RAPGEF5: variants seen among roughly 807,000 people sequenced by gnomAD.
RAPGEF5 encodes the protein Rap guanine nucleotide exchange factor 5, also known as M-Ras-regulated GEF.
In RAPGEF5, 65 loss-of-function variants were observed where a neutral mutation model predicts 125.2. That is an observed-to-expected ratio of 0.52 (90% confidence interval 0.43 to 0.64). The LOEUF is 0.64. Ranked by LOEUF, RAPGEF5 falls within the 30% of genes least tolerant of loss-of-function variation. The pLI, the probability that RAPGEF5 is intolerant of heterozygous loss-of-function variation, is 0.00. For missense variants in RAPGEF5, 958 were observed against 1,048.1 expected, an observed-to-expected ratio of 0.91 and a Z score of 1.19; for synonymous variants, 391 against 385.9, an observed-to-expected ratio of 1.01 and a Z score of -0.16.
At chr7:22,245,932 A>G (rs971328961) in intron 7 of RAPGEF5, among the ~76,000 whole-genome samples, 7 of 152,182 alleles carry the variant, frequency 4.6e-5, no homozygotes, top group South Asian at 2.1e-4. Flanking sequence ...CTATACACCA[A>G]TAATGTTCAG....
chr7:22,261,338 T>C (rs1204378832), intron 7 of RAPGEF5, among the ~76,000 whole-genome samples: 1 of 152,110 alleles, frequency 6.6e-6, no homozygotes, highest in Non-Finnish European at 1.5e-5. Flanking sequence ...ATATAAAATT[T>C]AGGCTGGGTG....
intron 7 of RAPGEF5, among the ~76,000 whole-genome samples, chr7:22,260,994 T>C (rs1719436879): frequency 6.6e-6 from 1 of 152,102 alleles, no homozygotes; most frequent in South Asian, 2.1e-4. Flanking sequence ...GAGCAAAGAA[T>C]TCAATGAATG....
intron 6 of RAPGEF5, among the ~76,000 whole-genome samples, chr7:22,267,768 A>G (rs1433726874): frequency 6.6e-6 from 1 of 152,226 alleles, no homozygotes; most frequent in Non-Finnish European, 1.5e-5. Flanking sequence ...GAAGGTATCA[A>G]TAAAAATTCC....
chr7:22,288,567 G>C (rs1430872503), intron 6 of RAPGEF5, among the ~76,000 whole-genome samples: 2 of 150,040 alleles, frequency 1.3e-5, no homozygotes, highest in African/African-American at 4.9e-5. Flanking sequence ...CTTTCGCCCA[G>C]GCCAGACTGC....
At chr7:22,351,254 C>T (rs1272049754) in intron 1 of RAPGEF5, among the ~76,000 whole-genome samples, 2 of 152,174 alleles carry the variant, frequency 1.3e-5, no homozygotes, top group Non-Finnish European at 2.9e-5. Context: ...CCTATAACCA[C>T]AATGCTTCTC....
At chr7:22,277,212 C>G (rs1057490349) in intron 6 of RAPGEF5, among the ~76,000 whole-genome samples, 1 of 152,210 alleles carries the variant, frequency 6.6e-6, no homozygotes, top group African/African-American at 2.4e-5. Flanking sequence ...GGACAGACTT[C>G]AGGTTTCAAA....
intron 5 of RAPGEF5, among the ~76,000 whole-genome samples, chr7:22,294,638 T>C (rs746330079): frequency 4.3e-4 from 66 of 152,306 alleles, no homozygotes; most frequent in Non-Finnish European, 7.9e-4. Flanking sequence ...TCCTTCCAAC[T>C]GGAAGTCATT....
intron 11 of RAPGEF5, among the ~76,000 whole-genome samples, chr7:22,185,821 T>C (rs1006078598): frequency 1.3e-5 from 2 of 151,574 alleles, no homozygotes; most frequent in African/African-American, 4.9e-5. Flanking sequence ...CTCTCACTGA[T>C]TTTTTTTTAT....
At chr7:22,252,026 T>G (rs1334128863) in intron 7 of RAPGEF5, among the ~76,000 whole-genome samples, 2 of 152,122 alleles carry the variant, frequency 1.3e-5, no homozygotes, top group African/African-American at 4.8e-5. Context: ...ACAAAAAACA[T>G]GTTCCCAGGA....
At chr7:22,303,381 T>A (rs1272409193) in intron 5 of RAPGEF5, among the ~76,000 whole-genome samples, 1 of 152,222 alleles carries the variant, frequency 6.6e-6, no homozygotes, top group Non-Finnish European at 1.5e-5. Flanking sequence ...TTGTATAAAA[T>A]TCTGTTTCTT....
At chr7:22,231,710 C>T (rs1369963417) in intron 7 of RAPGEF5, among the ~76,000 whole-genome samples, 2 of 152,206 alleles carry the variant, frequency 1.3e-5, no homozygotes, top group East Asian at 3.8e-4. Context: ...GGGATCCACA[C>T]ATAATGACTG....
intron 11 of RAPGEF5, 140 bp downstream of exon 11, chr7:22,193,227 G>A: frequency 1.1e-6 from 1 of 898,866 alleles, no homozygotes; most frequent in East Asian, 2.6e-5. Context: ...ATCAGCACAA[G>A]GCAAGGGACG....
chr7:22,258,376 T>C (rs531509429), intron 7 of RAPGEF5, among the ~76,000 whole-genome samples: 2 of 152,046 alleles, frequency 1.3e-5, no homozygotes, highest in South Asian at 4.2e-4. Flanking sequence ...ATCCCAGCAC[T>C]TTGGGAGGCC....
chr7:22,159,378 G>T (rs1783912088), intron 14 of RAPGEF5, among the ~76,000 whole-genome samples: 1 of 152,170 alleles, frequency 6.6e-6, no homozygotes, highest in Admixed American at 6.5e-5. Context: ...TTTGCAATGA[G>T]GTCTCCCTTT....
intron 6 of RAPGEF5, among the ~76,000 whole-genome samples, chr7:22,275,716 T>C (rs1782539818): frequency 6.6e-6 from 1 of 151,924 alleles, no homozygotes; most frequent in African/African-American, 2.4e-5. Context: ...TTGGAGACCA[T>C]GGGGGTTGTT....
chr7:22,161,376 A>G (rs1375437181), intron 13 of RAPGEF5, among the ~76,000 whole-genome samples: 3 of 152,114 alleles, frequency 2.0e-5, no homozygotes, highest in Middle Eastern at 3.2e-3. Flanking sequence ...TATCTCTACT[A>G]AAAAGAAAAA....
chr7:22,130,749 T>C (rs961890173), intron 24 of RAPGEF5, among the ~76,000 whole-genome samples: 2 of 152,232 alleles, frequency 1.3e-5, no homozygotes, highest in Admixed American at 6.5e-5. Context: ...TTCAATAATA[T>C]ACCCTCAGTT....
chr7:22,221,975 A>G (rs1476077300), intron 8 of RAPGEF5, among the ~76,000 whole-genome samples: 2 of 152,172 alleles, frequency 1.3e-5, no homozygotes, highest in Non-Finnish European at 2.9e-5. Flanking sequence ...GGCCGGGTGC[A>G]GTGGCTCATG....
intron 7 of RAPGEF5, among the ~76,000 whole-genome samples, chr7:22,236,473 T>C (rs935984628): frequency 6.6e-6 from 1 of 152,100 alleles, no homozygotes; most frequent in Non-Finnish European, 1.5e-5. Flanking sequence ...GACACGAAGG[T>C]CTGAAATCAC....
Sources: gnomAD v4.1 joint callset for allele counts (sites outside exome capture counted in the v4.1 genomes callset) on GRCh38, gnomAD v4.1.1 for gene constraint, MANE v1.5 for transcripts, NCBI Gene and HGNC (gene_info 2026-07-23, HGNC 2026-07-21) for gene names.